The following CHRM2 variants were observed in gnomAD, a reference collection of about 807,000 sequenced individuals.
CHRM2 encodes the protein cholinergic receptor muscarinic 2.
In CHRM2, 8 loss-of-function variants were observed where a neutral mutation model predicts 25.0. That is an observed-to-expected ratio of 0.32 (90% CI 0.19 to 0.58). CHRM2 has a LOEUF of 0.58. CHRM2 is among the 20% of genes least tolerant of loss of function. The pLI is 0.88. For missense variants in CHRM2, 440 were observed against 567.1 expected (o/e 0.78, Z 2.28); for synonymous variants, 202 against 205.7 (o/e 0.98, Z 0.15).
chr7:137,014,945 T>A lies in CHRM2; in HGVS notation c.80T>A (p.Val27Asp). The change falls in exon 4 of 4, where the codon GTC becomes GAC. Residue 27 changes from valine to aspartate, a missense_variant. Val to Asp is a radical substitution (Grantham distance 152). Coordinates refer to ENST00000680005, the MANE Select transcript of CHRM2 (RefSeq NM_001006630.2). ...AAGACATTTGAAGTGGTGTTTATTGTCCTGGTGGCTGGATCCCTCAGTTTG... is the reference window on the plus strand; with the variant it reads ...AAGACATTTGAAGTGGTGTTTATTGACCTGGTGGCTGGATCCCTCAGTTTG... Reference protein sequence around the residue: ...PYKTFEVVFIVLVAGSLSLVT... With the variant: ...PYKTFEVVFIDLVAGSLSLVT... The A allele has an allele frequency of 6.2e-7, 1 of 1,613,322 alleles. No homozygotes were observed. Among genetic ancestry groups the A allele is most frequent in the Non-Finnish European group, 8.5e-7 (1 of 1,179,558 alleles).
chr7:136,955,715 A>T (rs981599210), intron 2 of CHRM2, among the ~76,000 whole-genome samples: 1 of 152,214 alleles, frequency 6.6e-6, no homozygotes, highest in Non-Finnish European at 1.5e-5. Flanking sequence ...TGGAATAACT[A>T]TCTTCACACA....
In CHRM2 at chr7:136,900,144, A is replaced by G. The variant is rs534687549; in HGVS notation, c.-125+30726A>G. On this transcript the variant is annotated intron_variant, in intron 2 of 3. Transcript: ENST00000680005. Reference sequence around the variant, plus strand: ...AGAAATGAAATTCCGTCAGAACAAAAGACAGGCTTATTTCTGATACTATCA... The same window carrying G: ...AGAAATGAAATTCCGTCAGAACAAAGGACAGGCTTATTTCTGATACTATCA... Among the ~76,000 whole-genome samples the G allele has an allele frequency of 9.2e-5, 14 of 152,190 alleles. No individual in the cohort carries two copies. In the South Asian group the frequency reaches 2.5e-3, roughly 27 times the overall value.
intron 2 of CHRM2, among the ~76,000 whole-genome samples, chr7:136,918,835 G>A (rs1342693197): frequency 6.6e-6 from 1 of 152,064 alleles, no homozygotes; most frequent in South Asian, 2.1e-4. Context: ...GGTTTCATCT[G>A]TTCTCTCCTT....
At chr7:136,960,209 G>A (rs1453334980) in intron 2 of CHRM2, among the ~76,000 whole-genome samples, 2 of 152,194 alleles carry the variant, frequency 1.3e-5, no homozygotes, top group Non-Finnish European at 2.9e-5. Flanking sequence ...GGAAATTCTG[G>A]AATGAAGCTG....
chr7:136,911,287 A>G (rs1797829869), intron 2 of CHRM2, among the ~76,000 whole-genome samples: 1 of 151,928 alleles, frequency 6.6e-6, no homozygotes, highest in Non-Finnish European at 1.5e-5. Flanking sequence ...TCATAGCACC[A>G]AAAAGAACAA....
chr7:136,967,735 T>C (rs896864516), intron 2 of CHRM2, among the ~76,000 whole-genome samples: 3 of 152,082 alleles, frequency 2.0e-5, no homozygotes, highest in Non-Finnish European at 4.4e-5. Context: ...GCTCTAGCCC[T>C]CTACCTTTCT....
chr7:136,919,811 T>C (rs1474173737), intron 2 of CHRM2, among the ~76,000 whole-genome samples: 2 of 152,154 alleles, frequency 1.3e-5, no homozygotes, highest in Non-Finnish European at 2.9e-5. Context: ...TTCTGACTTG[T>C]TACCCACCTT....
intron 2 of CHRM2, among the ~76,000 whole-genome samples, chr7:136,986,173 C>T (rs1008895435): frequency 5.3e-5 from 8 of 152,076 alleles, no homozygotes; most frequent in East Asian, 1.9e-4. Context: ...CAGCAGGCCC[C>T]GAACCCACCT....
At chr7:136,977,396 TTTC>T (rs1802174806) in intron 2 of CHRM2, among the ~76,000 whole-genome samples, 6 of 152,188 alleles carry the variant, frequency 3.9e-5, no homozygotes, top group Non-Finnish European at 8.8e-5. Context: ...ATCTTTTTTT[TTTC>T]TTTTTTCTTT....
intron 2 of CHRM2, among the ~76,000 whole-genome samples, chr7:136,959,081 A>G (rs1800903029): frequency 1.3e-5 from 2 of 152,146 alleles, no homozygotes; most frequent in African/African-American, 4.8e-5. Context: ...GATAGGCACC[A>G]ATATCATGTG....
At position 136,975,701 on chromosome 7, in the gene CHRM2, A is replaced by G. The variant is rs142238810; in HGVS notation, c.-124-16486A>G. Among the ~76,000 whole-genome samples, 17 of 152,306 alleles carry G rather than the reference A, an allele frequency of 1.1e-4. No homozygotes were observed. The East Asian group carries it at 3.3e-3, about 29-fold the overall frequency. ...TATTAAAGAGTGCTATAAGATTTCC[A>G]TTTATTTTATCTCTTCCTATTGCCT... On this transcript the variant is annotated intron_variant, in intron 2 of 3. Coordinates refer to ENST00000680005, the MANE Select transcript of CHRM2 (RefSeq NM_001006630.2).
At chr7:136,894,732 T>G (rs2130579072) in intron 2 of CHRM2, among the ~76,000 whole-genome samples, 1 of 152,340 alleles carries the variant, frequency 6.6e-6, no homozygotes. Context: ...AAAAATGTTC[T>G]TAATGGTTTT....
At chr7:136,940,101 T>G (rs1319224973) in intron 2 of CHRM2, among the ~76,000 whole-genome samples, 1 of 152,232 alleles carries the variant, frequency 6.6e-6, no homozygotes, top group Non-Finnish European at 1.5e-5. Flanking sequence ...TCAGTAGGTT[T>G]AAATAATGAG....
At chr7:137,011,214 T>C (rs1296790862) in intron 3 of CHRM2, among the ~76,000 whole-genome samples, 1 of 135,960 alleles carries the variant, frequency 7.4e-6, no homozygotes, top group Admixed American at 7.0e-5. Flanking sequence ...TGTGTGTGTG[T>C]GTATATATAT....
chr7:136,886,937 G>A (rs1279662196), intron 2 of CHRM2, among the ~76,000 whole-genome samples: 1 of 152,172 alleles, frequency 6.6e-6, no homozygotes, highest in African/African-American at 2.4e-5. Flanking sequence ...AGTGGATTAG[G>A]TGTCTCAGTT....
intron 2 of CHRM2, among the ~76,000 whole-genome samples, chr7:136,886,965 G>A (rs984264339): frequency 1.3e-5 from 2 of 152,202 alleles, no homozygotes; most frequent in Non-Finnish European, 2.9e-5. Flanking sequence ...CAGAATGTAT[G>A]TCCACCACTT....
rs144919496 is a variant in CHRM2 at position 136,927,838 on chromosome 7, T to C, written c.-125+58420T>C. 5.3e-3 allele frequency among the ~76,000 whole-genome samples: 814 copies of C among 152,192 alleles called. 28 individuals carry two copies. Among genetic ancestry groups the C allele is most frequent in the Admixed American group, 0.047 (720 of 15,280 alleles). ...GAATTTTAAGATTCTGTGCAGAAAA[T>C]TTCACCATGTCATAAGGATATTTAA... is the stretch of plus-strand genomic sequence containing the variant. On this transcript the variant is annotated intron_variant, in intron 2 of 3. Coordinates refer to ENST00000680005, the MANE Select transcript of CHRM2 (RefSeq NM_001006630.2).
intron 2 of CHRM2, among the ~76,000 whole-genome samples, chr7:136,934,077 AGTGAATAGGATGGTTTTTGATGGTTT>A (rs1462283049): frequency 6.6e-6 from 1 of 152,190 alleles, no homozygotes; most frequent in African/African-American, 2.4e-5. Flanking sequence ...TATTTAAGCA[AGTGAATAGGATGGTTTTTGATGGTTT>A]GTGAATAGGA....
intron 2 of CHRM2, among the ~76,000 whole-genome samples, chr7:136,885,695 A>G (rs1321495948): frequency 6.6e-6 from 1 of 152,208 alleles, no homozygotes; most frequent in African/African-American, 2.4e-5. Flanking sequence ...CTGTCCTGAG[A>G]GATTAGATGA....
Sources: gnomAD v4.1 joint callset for allele counts (sites outside exome capture counted in the v4.1 genomes callset) on GRCh38, gnomAD v4.1.1 for gene constraint, MANE v1.5 for transcripts, NCBI Gene and HGNC (gene_info 2026-07-23, HGNC 2026-07-21) for gene names.